CSMD1: variants seen among roughly 807,000 people sequenced by gnomAD.
CSMD1 encodes CUB and Sushi multiple domains 1.
Under a neutral mutation model 417.5 loss-of-function variants are expected in CSMD1, and 213 were observed. The observed-to-expected ratio is 0.51, with a 90% CI of 0.46 to 0.57. The LOEUF is 0.57. Ranked by LOEUF, CSMD1 falls within the 20% of genes least tolerant of loss-of-function variation. The probability of loss-of-function intolerance (pLI) is 0.00; values close to 1 mark genes in which losing one functional copy is unlikely to be tolerated. For synonymous variants in CSMD1, 2,862 were observed against 1,736.8 expected (o/e 1.65, Z -16.11); for missense variants, 6,923 against 4,529.7 (o/e 1.53, Z -15.17).
At chr8:4,685,336 G>A (rs919500554) in intron 1 of CSMD1, among the ~76,000 whole-genome samples, 2 of 152,284 alleles carry the variant, frequency 1.3e-5, no homozygotes, top group Admixed American at 6.5e-5. Context: ...CACTTTGGGA[G>A]GCTGAGGCAG....
chr8:4,120,679 T>C (rs890409420), intron 3 of CSMD1, among the ~76,000 whole-genome samples: 13 of 152,190 alleles, frequency 8.5e-5, no homozygotes, highest in African/African-American at 3.1e-4. Context: ...TTTAAAGAAG[T>C]AAGTTTAGAT....
intron 5 of CSMD1, among the ~76,000 whole-genome samples, chr8:3,840,309 C>A (rs1803042243): frequency 6.6e-6 from 1 of 152,104 alleles, no homozygotes; most frequent in African/African-American, 2.4e-5. Context: ...GCTGAGGTGC[C>A]AACTAGCATC....
At chr8:3,690,963 G>A (rs573458513) in intron 7 of CSMD1, among the ~76,000 whole-genome samples, 1 of 152,126 alleles carries the variant, frequency 6.6e-6, no homozygotes, top group Non-Finnish European at 1.5e-5. Flanking sequence ...GATTTGACTG[G>A]TTAATGCATG....
chr8:3,105,016 C>A (rs548033735), intron 46 of CSMD1, among the ~76,000 whole-genome samples: 1 of 152,212 alleles, frequency 6.6e-6, no homozygotes, highest in Non-Finnish European at 1.5e-5. Flanking sequence ...AGTTATCAGA[C>A]CTTTGAAGAG....
chr8:3,332,750 T>A (rs1316409989), intron 23 of CSMD1, among the ~76,000 whole-genome samples: 1 of 152,188 alleles, frequency 6.6e-6, no homozygotes, highest in Non-Finnish European at 1.5e-5. Flanking sequence ...CATTCCTAAA[T>A]AGGAAACTCT....
At chr8:3,574,363 C>G (rs538994242) in intron 10 of CSMD1, among the ~76,000 whole-genome samples, 1 of 152,168 alleles carries the variant, frequency 6.6e-6, no homozygotes, top group Admixed American at 6.5e-5. Flanking sequence ...GCCTCAGCCT[C>G]TCGAATAGCT....
intron 3 of CSMD1, among the ~76,000 whole-genome samples, chr8:4,093,323 C>T (rs375537077): frequency 6.6e-6 from 1 of 151,870 alleles, no homozygotes; most frequent in Admixed American, 6.6e-5. Flanking sequence ...TTTTAATTTC[C>T]ATGAAGTAAA....
At position 4,285,721 on chromosome 8, in the gene CSMD1, C is replaced by CA. The variant is rs1485487562; in HGVS notation, c.415+134231dup. Among the ~76,000 whole-genome samples the CA allele has an allele frequency of 2.0e-5, 3 of 152,254 alleles. No individual in the cohort carries two copies. The East Asian group carries it at 5.8e-4, about 29-fold the overall frequency. ...AGAACTAGTAAAACAGTCAGGGCCA[C>CA]AGGCTTCTCATCCTGTTAGGAACTT... On this transcript the variant is annotated intron_variant, in intron 3 of 69. Transcript: ENST00000635120.
In CSMD1 at chr8:3,846,699, C is replaced by T. The variant is rs1362990834; in HGVS notation, c.819-92657G>A. On this transcript the variant is annotated intron_variant, in intron 5 of 69. Transcript: ENST00000635120. The stretch of plus-strand genomic sequence containing the variant: ...TTGAGATGGAGTTTCTCTCTGTCGC[C>T]CAGGCTGGAGTGCAGTGGTGCAACC... Among the ~76,000 whole-genome samples the T allele has an allele frequency of 2.6e-5, 4 of 152,014 alleles. No individual in the cohort carries two copies. In the East Asian group the frequency reaches 5.8e-4, roughly 22 times the overall value.
chr8:4,095,878 T>C (rs913968130), intron 3 of CSMD1, among the ~76,000 whole-genome samples: 1 of 152,212 alleles, frequency 6.6e-6, no homozygotes, highest in Admixed American at 6.5e-5. Context: ...AAACTATCAA[T>C]GTTAAGAGTA....
chr8:4,790,453 C>T (rs1434745202), intron 1 of CSMD1, among the ~76,000 whole-genome samples: 1 of 152,118 alleles, frequency 6.6e-6, no homozygotes, highest in Non-Finnish European at 1.5e-5. Flanking sequence ...CTACCAATAA[C>T]ATTTTCCACA....
At chr8:3,457,721 A>C (rs57592473) in intron 12 of CSMD1, among the ~76,000 whole-genome samples, 9,441 of 152,306 alleles carry the variant, frequency 0.062, 348 homozygotes, top group East Asian at 0.19. Context: ...TAAAGGAAAC[A>C]GAAATACCAA....
chr8:4,737,202 G>T (rs1260320332), intron 1 of CSMD1, among the ~76,000 whole-genome samples: 2 of 152,126 alleles, frequency 1.3e-5, no homozygotes, highest in African/African-American at 4.8e-5. Context: ...GGATGGAACT[G>T]GAGGCCATTA....
At chr8:3,642,905 A>G (rs112148676) in intron 7 of CSMD1, among the ~76,000 whole-genome samples, 6,077 of 152,050 alleles carry the variant, frequency 0.04, 268 homozygotes, top group African/African-American at 0.11. Flanking sequence ...ACATATATAT[A>G]TAATGTAACT....
intron 11 of CSMD1, among the ~76,000 whole-genome samples, chr8:3,483,141 A>T (rs1817838181): frequency 6.6e-6 from 1 of 152,116 alleles, no homozygotes; most frequent in Admixed American, 6.5e-5. Context: ...TTAATGAAAT[A>T]GAAATAGATA....
chr8:3,671,432 T>A (rs894024804), intron 7 of CSMD1, among the ~76,000 whole-genome samples: 16 of 146,120 alleles, frequency 1.1e-4, no homozygotes, highest in African/African-American at 4.0e-4. Context: ...ACTATATATA[T>A]AGTCACATAT....
chr8:4,323,198 C>T (rs1799366438), intron 3 of CSMD1, among the ~76,000 whole-genome samples: 1 of 152,140 alleles, frequency 6.6e-6, no homozygotes, highest in Admixed American at 6.5e-5. Context: ...GTTCTAAACT[C>T]CTATGCAGAC....
At chr8:4,076,893 G>A (rs1008906665) in intron 3 of CSMD1, among the ~76,000 whole-genome samples, 1 of 152,002 alleles carries the variant, frequency 6.6e-6, no homozygotes, top group South Asian at 2.1e-4. Context: ...CCAGTCTGAA[G>A]AACTACTGAA....
chr8:3,829,957 A>C (rs1316666419), intron 5 of CSMD1, among the ~76,000 whole-genome samples: 1 of 152,176 alleles, frequency 6.6e-6, no homozygotes, highest in Non-Finnish European at 1.5e-5. Context: ...AAGGAAAATT[A>C]AAAATTTTGC....
Sources: allele counts gnomAD v4.1 joint callset (sites outside exome capture counted in the v4.1 genomes callset), GRCh38; gene constraint gnomAD v4.1.1; transcripts MANE v1.5; gene names NCBI Gene and HGNC (gene_info 2026-07-23, HGNC 2026-07-21).